Variants in CTNNA2 observed in about 807,000 individuals in gnomAD.
CTNNA2 encodes catenin alpha-2.
Under a neutral mutation model 101.0 loss-of-function variants are expected in CTNNA2, and 42 were observed. The observed-to-expected ratio is 0.42, with a 90% CI of 0.32 to 0.54. The LOEUF (loss-of-function observed/expected upper bound fraction) is 0.54. Ranked by LOEUF, CTNNA2 falls within the 20% of genes least tolerant of loss-of-function variation. The pLI, the probability that CTNNA2 is intolerant of heterozygous loss-of-function variation, is 0.14. For missense variants in CTNNA2, 871 were observed against 1,223.1 expected, an observed-to-expected ratio of 0.71 and a Z score of 4.29; for synonymous variants, 450 against 456.4, an observed-to-expected ratio of 0.99 and a Z score of 0.18.
intron 3 of CTNNA2, among the ~76,000 whole-genome samples, chr2:79,811,094 G>A (rs201306402): frequency 0.29 from 42,796 of 147,274 alleles, 7,695 homozygotes; most frequent in African/African-American, 0.51. Flanking sequence ...ATCCCTGAGG[G>A]ATCGCCACAC....
chr2:80,134,934 G>A (rs987655543), intron 7 of CTNNA2, among the ~76,000 whole-genome samples: 2 of 152,084 alleles, frequency 1.3e-5, no homozygotes, highest in Non-Finnish European at 2.9e-5. Context: ...CAATGTTATT[G>A]TTATGGTGGT....
chr2:80,438,192 T>C (rs189668069), intron 9 of CTNNA2, among the ~76,000 whole-genome samples: 37 of 152,300 alleles, frequency 2.4e-4, no homozygotes, highest in Admixed American at 2.4e-3. Flanking sequence ...CTTTCCTCTA[T>C]GCTCGCACAT....
In CTNNA2 at chr2:79,993,478, T is replaced by G. The variant is rs145510049; in HGVS notation, c.1056+83681T>G. ...TCCAATTTGTTGCCCTCGGGCATCT[T>G]AAGATCTCATCAAAGATGCAGTATA... On this transcript the variant is annotated intron_variant, in intron 7 of 18. Transcript: ENST00000402739. 1.7e-4 allele frequency among the ~76,000 whole-genome samples: 26 copies of G among 152,320 alleles called. No homozygotes were observed. In the East Asian group the frequency reaches 4.4e-3, roughly 26 times the overall value.
At position 79,336,476 on chromosome 2, in the gene CTNNA2, C is replaced by G. The variant is rs146082493; in HGVS notation, c.-318+23680C>G. ...TGGTTTTGAGTTCTGGGTTTCCTGG[C>G]TCTTTGCCCTCAGCTGTTACACAGC... On this transcript the variant is annotated intron_variant, in intron 3 of 21. Transcript: ENST00000466387. Among the ~76,000 whole-genome samples, 272 of 152,260 alleles carry G rather than the reference C, an allele frequency of 1.8e-3. 2 individuals carry two copies. Among genetic ancestry groups the G allele is most frequent in the Middle Eastern group, 3.4e-3 (1 of 294 alleles).
At chr2:79,757,826 T>C (rs1672497810) in intron 3 of CTNNA2, among the ~76,000 whole-genome samples, 2 of 152,200 alleles carry the variant, frequency 1.3e-5, no homozygotes, top group Admixed American at 1.3e-4. Flanking sequence ...ATGAGTTCAT[T>C]GGGGCTCATC....
intron 2 of CTNNA2, among the ~76,000 whole-genome samples, chr2:79,208,692 G>T (rs1674131989): frequency 6.6e-6 from 1 of 152,148 alleles, no homozygotes; most frequent in African/African-American, 2.4e-5. Flanking sequence ...GTGTTAGCAG[G>T]TATTTTGGTT....
intron 2 of CTNNA2, among the ~76,000 whole-genome samples, chr2:79,721,347 T>A (rs1339857465): frequency 1.3e-5 from 2 of 152,180 alleles, no homozygotes; most frequent in African/African-American, 4.8e-5. Context: ...AGGCATCACA[T>A]GTTGAGAGAG....
intron 3 of CTNNA2, among the ~76,000 whole-genome samples, chr2:79,344,651 T>C (rs1475449026): frequency 6.6e-6 from 1 of 151,848 alleles, no homozygotes; most frequent in Non-Finnish European, 1.5e-5. Flanking sequence ...CAAAATTCAG[T>C]CCTTCTAGAT....
At chr2:80,114,894 T>C (rs186227960) in intron 7 of CTNNA2, among the ~76,000 whole-genome samples, 1 of 152,250 alleles carries the variant, frequency 6.6e-6, no homozygotes, top group East Asian at 1.9e-4. Context: ...CCAAGAAACC[T>C]TGAAGAGGAA....
intron 2 of CTNNA2, among the ~76,000 whole-genome samples, chr2:79,286,928 A>G (rs1675610476): frequency 6.6e-6 from 1 of 152,076 alleles, no homozygotes; most frequent in Admixed American, 6.6e-5. Context: ...ACATAGTCCC[A>G]TATTTCTTGG....
At chr2:79,828,076 G>A (rs550355242) in intron 3 of CTNNA2, among the ~76,000 whole-genome samples, 67 of 152,200 alleles carry the variant, frequency 4.4e-4, no homozygotes, top group Non-Finnish European at 2.9e-5. Context: ...TTGCGAAATA[G>A]AGTATAAGCA....
At chr2:79,447,749 T>C (rs1287492511) in intron 4 of CTNNA2, among the ~76,000 whole-genome samples, 1 of 152,030 alleles carries the variant, frequency 6.6e-6, no homozygotes, top group East Asian at 1.9e-4. Context: ...ACACTTTATG[T>C]AAAAGTGCTT....
At chr2:79,865,145 A>G (rs565909966) in intron 4 of CTNNA2, among the ~76,000 whole-genome samples, 3 of 152,314 alleles carry the variant, frequency 2.0e-5, no homozygotes, top group Admixed American at 6.5e-5. Context: ...CTAGCATGTA[A>G]TCATTCTTTG....
intron 14 of CTNNA2, among the ~76,000 whole-genome samples, chr2:80,587,003 C>T (rs905524286): frequency 5.3e-5 from 8 of 152,044 alleles, no homozygotes; most frequent in African/African-American, 1.9e-4. Flanking sequence ...TGACCCTTGC[C>T]CCACTTGGTT....
intron 7 of CTNNA2, among the ~76,000 whole-genome samples, chr2:80,171,313 C>A (rs1705037684): frequency 6.6e-6 from 1 of 152,238 alleles, no homozygotes; most frequent in Non-Finnish European, 1.5e-5. Context: ...TGCTGATCTT[C>A]TGGTTTGTGC....
At chr2:79,339,387 A>G (rs1181550766) in intron 3 of CTNNA2, among the ~76,000 whole-genome samples, 1 of 152,124 alleles carries the variant, frequency 6.6e-6, no homozygotes, top group African/African-American at 2.4e-5. Context: ...GGGTCAGTCA[A>G]TTACAGGGTA....
intron 9 of CTNNA2, among the ~76,000 whole-genome samples, chr2:80,445,546 T>G (rs930394567): frequency 2.0e-5 from 3 of 152,308 alleles, no homozygotes; most frequent in Non-Finnish European, 4.4e-5. Context: ...TCTCAAACTT[T>G]CCTGTGTATA....
chr2:79,884,983 G>A (rs1207528175), intron 6 of CTNNA2, among the ~76,000 whole-genome samples: 1 of 152,050 alleles, frequency 6.6e-6, no homozygotes, highest in Admixed American at 6.6e-5. Flanking sequence ...ACTGCCCAAA[G>A]CTTATCCCAG....
In CTNNA2 at chr2:79,222,197, G is replaced by A. The variant is rs149903006; in HGVS notation, c.-406+24121G>A. On this transcript the variant is annotated intron_variant, in intron 2 of 21. Transcript: ENST00000466387. ...AAATGCCTCGAGACACCAGGCAGGC[G>A]ATATAAAGGCTTCTATGAGGCTGTG... is the stretch of plus-strand genomic sequence containing the variant. Among the ~76,000 whole-genome samples, 6 of 152,168 alleles carry A rather than the reference G, an allele frequency of 3.9e-5. No homozygotes were observed. The East Asian group carries it at 9.6e-4, about 24-fold the overall frequency.
Sources: gnomAD v4.1 joint callset for allele counts (sites outside exome capture counted in the v4.1 genomes callset) on GRCh38, gnomAD v4.1.1 for gene constraint, MANE v1.5 for transcripts, NCBI Gene and HGNC (gene_info 2026-07-23, HGNC 2026-07-21) for gene names.